The following MECR variants were observed in gnomAD, a reference collection of about 807,000 sequenced individuals.
The protein encoded by MECR is mitochondrial trans-2-enoyl-CoA reductase.
In MECR, 37 loss-of-function variants were observed where a neutral mutation model predicts 49.1. The ratio of observed to expected loss-of-function variants is 0.75; its 90% confidence interval spans 0.58 to 0.99. The LOEUF is 0.99. MECR is among the 50% of genes least tolerant of loss of function. The pLI, the probability that MECR is intolerant of heterozygous loss-of-function variation, is 0.00. For synonymous variants in MECR, 198 were observed against 191.1 expected, an observed-to-expected ratio of 1.04 and a Z score of -0.30; for missense variants, 470 against 479.6, an observed-to-expected ratio of 0.98 and a Z score of 0.19.
At chr1:29,195,859 G>T in intron 9 of MECR, 82 bp downstream of exon 9, 3 of 1,406,530 alleles carry the variant, frequency 2.1e-6, no homozygotes, top group Non-Finnish European at 3.0e-6. Flanking sequence ...CCCCTCCAGG[G>T]CTCAGAATAG....
At position 29,230,828 on chromosome 1, in the gene MECR, G is replaced by A; in HGVS notation, c.79C>T (p.His27Tyr). 6.2e-7 allele frequency: 1 copy of A among 1,608,476 alleles called. No individual in the cohort carries two copies. The highest frequency in any genetic ancestry group is 8.5e-7 in the Non-Finnish European group (1 of 1,179,154). The change falls in exon 1 of 10, where the codon CAC becomes TAC. Residue 27 changes from histidine (H) to tyrosine (Y), a missense_variant. Physicochemically the swap from His to Tyr is moderately conservative, Grantham distance 83. Coordinates refer to ENST00000263702, the MANE Select transcript of MECR (RefSeq NM_016011.5). ...WRGLLPASGC[H>Y]GPAASSYSAS... ...GAGTAGGAGGAGGCGGCAGGTCCGT[G>A]ACAGCCAGAAGCTGGGAGCAGCCCC...
chr1:29,215,925 G>T, intron 3 of MECR, 80 bp downstream of exon 3: 1 of 1,537,236 alleles, frequency 6.5e-7, no homozygotes, highest in Non-Finnish European at 8.9e-7. Flanking sequence ...GGTACACTCG[G>T]CCAATCAGTG....
In MECR at chr1:29,212,996, C is replaced by T. The variant is rs188975028; in HGVS notation, c.406+3009G>A. Among the ~76,000 whole-genome samples the T allele has an allele frequency of 2.5e-3, 386 of 152,382 alleles. 1 individual carries two copies. The highest frequency in any genetic ancestry group is 2.7e-3 in the Non-Finnish European group (182 of 68,042). On this transcript the variant is annotated intron_variant, in intron 3 of 9. Transcript: ENST00000263702. ...CCCTCCTCACCTAGCCCACTGGCTG[C>T]ACTTCCAGCAGCTCTTCCAGACTGA...
chr1:29,229,739 C>A (rs1436636336), intron 1 of MECR, among the ~76,000 whole-genome samples: 1 of 152,132 alleles, frequency 6.6e-6, no homozygotes, highest in Non-Finnish European at 1.5e-5. Flanking sequence ...CAGTAACTTG[C>A]CAAATGCAAA....
At position 29,216,691 on chromosome 1, in the gene MECR, CACA is replaced by C; in HGVS notation, c.177-9_177-7del. 1.2e-6 allele frequency: 2 copies of C among 1,614,198 alleles called. No homozygotes were observed. The highest frequency in any genetic ancestry group is 1.7e-6 in the Non-Finnish European group (2 of 1,180,032). ...CTAGCTCCAGGTTCTTGAGTCTAAG[CACA>C]AAGCCAAACGGAGATGTTCATGTCA... On this transcript the variant is annotated splice_region_variant and splice_polypyrimidine_tract_variant and intron_variant, in intron 1 of 9. Coordinates refer to ENST00000263702, the MANE Select transcript of MECR (RefSeq NM_016011.5).
the MECR span, among the ~76,000 whole-genome samples, chr1:29,185,315 C>A: frequency 6.6e-6 from 1 of 152,166 alleles, no homozygotes; most frequent in African/African-American, 2.4e-5. Context: ...GTGGCATGAT[C>A]TTGGCTCACT....
chr1:29,196,039 G>C (rs1442206329), intron 8 of MECR, 26 bp from the exon 9 acceptor site: 1 of 1,613,066 alleles, frequency 6.2e-7, no homozygotes, highest in African/African-American at 1.3e-5. Context: ...GGACATGCTG[G>C]GCTCTGAGGG....
intron 3 of MECR, among the ~76,000 whole-genome samples, chr1:29,211,097 T>TG (rs1398079926): frequency 6.6e-6 from 1 of 151,464 alleles, no homozygotes; most frequent in Non-Finnish European, 1.5e-5. Context: ...GGTTTTTTTT[T>TG]TTTTTGTTTT....
intron 1 of MECR, 150 bp from the exon 2 acceptor site, chr1:29,216,835 T>C: frequency 6.8e-7 from 1 of 1,473,860 alleles, no homozygotes. Flanking sequence ...AGAGGTACCA[T>C]AAGAAATCAA....
intron 3 of MECR, among the ~76,000 whole-genome samples, chr1:29,207,242 CCT>C (rs1037480856): frequency 2.6e-4 from 40 of 152,038 alleles, no homozygotes; most frequent in African/African-American, 8.5e-4. Context: ...GCTGCAGCCC[CCT>C]GAGTAGCTGG....
At chr1:29,184,748 C>A in the MECR span, among the ~76,000 whole-genome samples, 1 of 148,710 alleles carries the variant, frequency 6.7e-6, no homozygotes, top group African/African-American at 2.5e-5. Flanking sequence ...GAGCAAAACT[C>A]CATCTCAAAA....
chr1:29,216,922 G>C, intron 1 of MECR: 1 of 851,242 alleles, frequency 1.2e-6, no homozygotes, highest in Non-Finnish European at 1.6e-6. Context: ...ATAACCTGAG[G>C]TCAGGAGTTC....
the MECR span, among the ~76,000 whole-genome samples, chr1:29,175,566 G>A: frequency 6.7e-6 from 1 of 149,202 alleles, no homozygotes; most frequent in Non-Finnish European, 1.5e-5. Context: ...GCGGTGGCGG[G>A]CTCCTGTAGT....
chr1:29,219,370 T>G (rs1024289413), intron 1 of MECR, among the ~76,000 whole-genome samples: 5 of 152,222 alleles, frequency 3.3e-5, no homozygotes, highest in African/African-American at 1.2e-4. Flanking sequence ...CTGCACATTT[T>G]CTATACGTTC....
At chr1:29,180,684 T>C in the MECR span, among the ~76,000 whole-genome samples, 81 of 152,322 alleles carry the variant, frequency 5.3e-4, 1 homozygote, top group African/African-American at 1.9e-3. Flanking sequence ...TAATTTTATA[T>C]CCATGCCTTC....
intron 3 of MECR, among the ~76,000 whole-genome samples, chr1:29,208,362 G>A (rs768049252): frequency 6.6e-6 from 1 of 152,196 alleles, no homozygotes; most frequent in Non-Finnish European, 1.5e-5. Flanking sequence ...ACCTGGTTTT[G>A]CTATTCTGCT....
At chr1:29,208,933 G>A (rs781016363) in intron 3 of MECR, among the ~76,000 whole-genome samples, 10 of 152,208 alleles carry the variant, frequency 6.6e-5, no homozygotes, top group East Asian at 1.9e-4. Context: ...AGGTGCTACC[G>A]TCTCAGAGCA....
chr1:29,226,195 A>C (rs954448748), intron 1 of MECR, among the ~76,000 whole-genome samples: 2 of 139,008 alleles, frequency 1.4e-5, no homozygotes, highest in Non-Finnish European at 3.1e-5. Context: ...AAAAAAAAAA[A>C]GACAGAACGG....
At chr1:29,188,036 CAAAAAAAAA>C (rs57284689), downstream of MECR, among the ~76,000 whole-genome samples, 1 of 66,412 alleles carries the variant, frequency 1.5e-5, no homozygotes, top group African/African-American at 6.3e-5. Flanking sequence ...GACTCTGTCT[CAAAAAAAAA>C]AAAAAAAAAA....
Sources: allele counts gnomAD v4.1 joint callset (sites outside exome capture counted in the v4.1 genomes callset), GRCh38; gene constraint gnomAD v4.1.1; transcripts MANE v1.5; gene names NCBI Gene and HGNC (gene_info 2026-07-23, HGNC 2026-07-21).